The following NKAIN3 variants were observed in gnomAD, a reference collection of about 807,000 sequenced individuals.
NKAIN3 encodes the protein sodium/potassium transporting ATPase interacting 3, also known as sodium/potassium-transporting ATPase subunit beta-1-interacting protein 3.
A neutral mutation model predicts 30.2 loss-of-function variants in NKAIN3; 25 were observed. That is an observed-to-expected ratio of 0.83 (90% CI 0.60 to 1.16). NKAIN3 has a LOEUF of 1.16. NKAIN3 is among the 50% of genes most tolerant of loss of function. The probability of loss-of-function intolerance (pLI) is 0.00; values close to 1 mark genes in which losing one functional copy is unlikely to be tolerated. For synonymous variants in NKAIN3, 91 were observed against 89.6 expected (o/e 1.02, Z -0.09); for missense variants, 225 against 254.1 (o/e 0.89, Z 0.78).
At position 62,980,349 on chromosome 8, in the gene NKAIN3, T is replaced by G. The variant is rs1824047605; in HGVS notation, c.*14942T>G. 1 of 152,232 alleles carries G rather than the reference T, an allele frequency of 6.6e-6. No homozygotes were observed. The highest frequency in any genetic ancestry group is 1.5e-5 in the Non-Finnish European group (1 of 68,034). 9.4% of individuals were successfully genotyped at this position (152,232 alleles called of 1,614,324 possible). On this transcript the variant is annotated 3_prime_UTR_variant, in exon 7 of 7. Coordinates refer to ENST00000623646, the MANE Select transcript of NKAIN3 (RefSeq NM_001304533.3). ...TCTCCTTCTGGTTTCTCAAATCTAC[T>G]TTTAACTTCAAATAGCAGGCATGCA...
At chr8:62,816,659 G>T (rs1271185189) in intron 4 of NKAIN3, among the ~76,000 whole-genome samples, 1 of 152,060 alleles carries the variant, frequency 6.6e-6, no homozygotes, top group Non-Finnish European at 1.5e-5. Context: ...TGGTGCTGGG[G>T]TCAGCGCTGT....
chr8:62,746,281 C>T (rs1186270637), intron 3 of NKAIN3, among the ~76,000 whole-genome samples: 5 of 152,218 alleles, frequency 3.3e-5, no homozygotes, highest in African/African-American at 1.2e-4. Context: ...CTGCCTCCCT[C>T]TTATAAGAAT....
Position 62,973,402 on chromosome 8 carries a change from A to G in NKAIN3, c.*7995A>G, listed in dbSNP as rs913587939. On this transcript the variant is annotated 3_prime_UTR_variant, in exon 7 of 7. Coordinates refer to ENST00000623646, the MANE Select transcript of NKAIN3 (RefSeq NM_001304533.3). Reference sequence around the variant, plus strand: ...GTATCTCATTGTCGTTTTGATTTGCATTTCTCTAATGACCAGTGATGATGA... The same window carrying G: ...GTATCTCATTGTCGTTTTGATTTGCGTTTCTCTAATGACCAGTGATGATGA... Among the ~76,000 whole-genome samples, 1 of 152,002 alleles carries G rather than the reference A, an allele frequency of 6.6e-6. No individual in the cohort carries two copies. Among genetic ancestry groups the G allele is most frequent in the Non-Finnish European group, 1.5e-5 (1 of 68,016 alleles).
intron 1 of NKAIN3, among the ~76,000 whole-genome samples, chr8:62,290,045 T>C (rs1253517243): frequency 1.3e-5 from 2 of 152,134 alleles, no homozygotes; most frequent in Non-Finnish European, 2.9e-5. Context: ...TCTCTGTTTG[T>C]CTGTTATTGG....
At chr8:62,522,757 ATAT>A (rs1466126687) in intron 1 of NKAIN3, among the ~76,000 whole-genome samples, 2 of 151,838 alleles carry the variant, frequency 1.3e-5, no homozygotes, top group Non-Finnish European at 2.9e-5. Flanking sequence ...ATAATATTTC[ATAT>A]TAATAATTAT....
intron 1 of NKAIN3, among the ~76,000 whole-genome samples, chr8:62,415,656 A>T (rs1376834189): frequency 1.3e-5 from 2 of 151,538 alleles, no homozygotes; most frequent in East Asian, 3.9e-4. Flanking sequence ...ATATCCTACA[A>T]GGACATGTTG....
chr8:62,563,001 C>T (rs1435387840), intron 1 of NKAIN3, among the ~76,000 whole-genome samples: 6 of 152,024 alleles, frequency 3.9e-5, no homozygotes, highest in Admixed American at 2.6e-4. Flanking sequence ...GTCATGGTAG[C>T]TGTGTTCCTG....
intron 1 of NKAIN3, among the ~76,000 whole-genome samples, chr8:62,399,810 A>G (rs13253070): frequency 0.42 from 63,588 of 152,050 alleles, 15,545 homozygotes; most frequent in Non-Finnish European, 0.54. Context: ...AGCAGTGAGG[A>G]AATGGAGAGA....
intron 3 of NKAIN3, among the ~76,000 whole-genome samples, chr8:62,654,662 T>A (rs1217594789): frequency 6.6e-6 from 1 of 152,182 alleles, no homozygotes; most frequent in Non-Finnish European, 1.5e-5. Flanking sequence ...TCGTTTAAAA[T>A]ATAGACCAAA....
At chr8:62,743,468 T>C (rs1815972421) in intron 3 of NKAIN3, among the ~76,000 whole-genome samples, 1 of 152,228 alleles carries the variant, frequency 6.6e-6, no homozygotes, top group African/African-American at 2.4e-5. Flanking sequence ...ATTATAGATT[T>C]ATTCAATCAA....
intron 4 of NKAIN3, chr8:62,855,882 A>C (rs1273868832): frequency 1.0e-5 from 8 of 770,414 alleles, no homozygotes; most frequent in Non-Finnish European, 1.9e-5. Flanking sequence ...CAAAGCCACA[A>C]AATAAAGAGA....
At chr8:62,831,288 A>G (rs547315032) in intron 4 of NKAIN3, among the ~76,000 whole-genome samples, 1 of 152,306 alleles carries the variant, frequency 6.6e-6, no homozygotes, top group South Asian at 2.1e-4. Context: ...GCATCCCCAG[A>G]TGAGACGGAA....
intron 3 of NKAIN3, among the ~76,000 whole-genome samples, chr8:62,628,448 G>A (rs539323633): frequency 5.9e-5 from 9 of 152,186 alleles, no homozygotes; most frequent in South Asian, 4.1e-4. Context: ...GTTTCTTGAC[G>A]AATGATCCCA....
intron 1 of NKAIN3, among the ~76,000 whole-genome samples, chr8:62,457,658 A>G (rs1805860546): frequency 6.6e-6 from 1 of 152,184 alleles, no homozygotes; most frequent in African/African-American, 2.4e-5. Flanking sequence ...TAGGCAGACA[A>G]TGATTGGTTA....
At chr8:62,572,490 G>A (rs528897726) in intron 1 of NKAIN3, among the ~76,000 whole-genome samples, 5 of 152,232 alleles carry the variant, frequency 3.3e-5, no homozygotes, top group East Asian at 3.9e-4. Context: ...CCACATGTTC[G>A]GGTATATTTT....
chr8:62,728,257 G>T (rs945005315), intron 3 of NKAIN3, among the ~76,000 whole-genome samples: 1 of 151,932 alleles, frequency 6.6e-6, no homozygotes, highest in Admixed American at 6.6e-5. Flanking sequence ...TGGCATTTTA[G>T]ATATAACATC....
chr8:62,870,469 T>G (rs1470955660), intron 4 of NKAIN3, among the ~76,000 whole-genome samples: 3 of 136,804 alleles, frequency 2.2e-5, no homozygotes, highest in Non-Finnish European at 3.0e-5. Context: ...TATATACATA[T>G]ATATTGTATA....
chr8:62,800,476 C>T (rs556707888), intron 4 of NKAIN3, among the ~76,000 whole-genome samples: 1 of 152,100 alleles, frequency 6.6e-6, no homozygotes, highest in East Asian at 1.9e-4. Context: ...GACCTCAGAT[C>T]TATTTCTAAA....
At chr8:62,342,960 AG>A (rs1815801238) in intron 1 of NKAIN3, among the ~76,000 whole-genome samples, 1 of 152,112 alleles carries the variant, frequency 6.6e-6, no homozygotes, top group African/African-American at 2.4e-5. Context: ...TCATACTTAC[AG>A]GAAGCATGTC....
Sources: allele counts gnomAD v4.1 joint callset (sites outside exome capture counted in the v4.1 genomes callset), GRCh38; gene constraint gnomAD v4.1.1; transcripts MANE v1.5; gene names NCBI Gene and HGNC (gene_info 2026-07-23, HGNC 2026-07-21).